The following RBFOX1 variants were observed in gnomAD, a reference collection of about 807,000 sequenced individuals.
RBFOX1 encodes RNA binding protein fox-1 homolog 1.
RBFOX1 carries 8 observed loss-of-function variants against 57.7 expected under a neutral mutation model. The observed-to-expected ratio is 0.14, with a 90% CI of 0.08 to 0.25. The LOEUF is 0.25. Ranked by LOEUF, RBFOX1 falls within the 10% of genes least tolerant of loss-of-function variation. The pLI, the probability that RBFOX1 is intolerant of heterozygous loss-of-function variation, is 1.00. For missense variants in RBFOX1, 611 were observed against 548.5 expected (o/e 1.11, Z -1.14); for synonymous variants, 326 against 222.4 (o/e 1.47, Z -4.15).
chr16:5,914,044 T>A (rs1423140068), intron 4 of RBFOX1, among the ~76,000 whole-genome samples: 2 of 152,188 alleles, frequency 1.3e-5, no homozygotes, highest in Non-Finnish European at 2.9e-5. Context: ...GTGTGTTTGA[T>A]TCAAGGACAG....
intron 1 of RBFOX1, among the ~76,000 whole-genome samples, chr16:5,331,071 G>A (rs143702947): frequency 8.1e-4 from 124 of 152,258 alleles, no homozygotes; most frequent in Admixed American, 1.2e-3. Context: ...TGGAGGTGAT[G>A]TGGCTCTAGG....
intron 3 of RBFOX1, among the ~76,000 whole-genome samples, chr16:5,750,946 G>A (rs553637766): frequency 3.4e-4 from 52 of 152,310 alleles, no homozygotes; most frequent in Middle Eastern, 6.8e-3. Context: ...TGTCTTCTGC[G>A]TTGCTCACGC....
chr16:7,129,938 C>G (rs932812806), intron 4 of RBFOX1, among the ~76,000 whole-genome samples: 1 of 151,990 alleles, frequency 6.6e-6, no homozygotes, highest in African/African-American at 2.4e-5. Flanking sequence ...TTTCCATTTC[C>G]TGCTTCAAAT....
chr16:5,648,209 A>C (rs2049112370), intron 3 of RBFOX1, among the ~76,000 whole-genome samples: 1 of 152,146 alleles, frequency 6.6e-6, no homozygotes, highest in South Asian at 2.1e-4. Context: ...TACATACGAT[A>C]TGCAGGAGGA....
intron 3 of RBFOX1, among the ~76,000 whole-genome samples, chr16:6,856,115 C>T (rs2057847582): frequency 6.6e-6 from 1 of 151,648 alleles, no homozygotes; most frequent in Admixed American, 6.6e-5. Flanking sequence ...CCCTTTCTTC[C>T]CTTTCCTTCC....
At chr16:5,757,050 G>A (rs576696130) in intron 3 of RBFOX1, among the ~76,000 whole-genome samples, 36 of 152,220 alleles carry the variant, frequency 2.4e-4, no homozygotes, top group African/African-American at 8.7e-4. Flanking sequence ...CAAAGGATGG[G>A]GGAGTTCTGT....
chr16:5,747,722 T>G (rs976585258), intron 3 of RBFOX1, among the ~76,000 whole-genome samples: 1 of 152,190 alleles, frequency 6.6e-6, no homozygotes, highest in Non-Finnish European at 1.5e-5. Context: ...CGTGGTGATA[T>G]CCGCTTTATC....
chr16:7,342,416 G>A (rs902815349), intron 4 of RBFOX1, among the ~76,000 whole-genome samples: 9 of 152,174 alleles, frequency 5.9e-5, no homozygotes, highest in Non-Finnish European at 7.3e-5. Flanking sequence ...CAACCTGTCT[G>A]CGGGGATGGT....
chr16:6,241,178 A>T (rs981935114), intron 1 of RBFOX1, among the ~76,000 whole-genome samples: 5 of 152,216 alleles, frequency 3.3e-5, no homozygotes, highest in Admixed American at 1.3e-4. Flanking sequence ...CCAGAGATAA[A>T]AATAAGCGAA....
chr16:5,366,274 A>T (rs1329028657), intron 1 of RBFOX1: 3 of 387,706 alleles, frequency 7.7e-6, no homozygotes, highest in Non-Finnish European at 1.5e-5. Context: ...GCTGCCGATG[A>T]AGATGATGCT....
chr16:7,461,107 T>C (rs992056080), intron 4 of RBFOX1, among the ~76,000 whole-genome samples: 2 of 152,182 alleles, frequency 1.3e-5, no homozygotes, highest in Admixed American at 6.5e-5. Flanking sequence ...TGACAACTTA[T>C]GGCAATAACA....
intron 3 of RBFOX1, among the ~76,000 whole-genome samples, chr16:6,726,474 A>G (rs1329861615): frequency 6.6e-6 from 1 of 151,726 alleles, no homozygotes; most frequent in Admixed American, 6.6e-5. Flanking sequence ...TCCCGTTCCC[A>G]AGTAGGTGAA....
intron 4 of RBFOX1, among the ~76,000 whole-genome samples, chr16:7,192,969 G>A (rs962301639): frequency 6.6e-6 from 1 of 152,166 alleles, no homozygotes; most frequent in East Asian, 1.9e-4. Flanking sequence ...TGTGTCGACA[G>A]ACATCTTTGG....
At chr16:6,574,419 C>G (rs1017808241) in intron 2 of RBFOX1, among the ~76,000 whole-genome samples, 1 of 126,390 alleles carries the variant, frequency 7.9e-6, no homozygotes, top group African/African-American at 2.9e-5. Context: ...CTGTCCGTAT[C>G]TTCTATTTTT....
rs58761346 is a variant in RBFOX1 at position 7,306,580 on chromosome 16, C to CGTGTGTGT, written c.28-211550_28-211543dup. 2.2e-3 allele frequency among the ~76,000 whole-genome samples: 321 copies of CGTGTGTGT among 149,038 alleles called. 1 individual carries two copies. The highest frequency in any genetic ancestry group is 2.4e-3 in the African/African-American group (96 of 40,658). On this transcript the variant is annotated intron_variant, in intron 4 of 15. Transcript: ENST00000550418. ...TATGACATAATGTGGGAATGGTGTG[C>CGTGTGTGT]GTGTGTGTGTGTGTGTGTGTGTGTA... is the stretch of plus-strand genomic sequence containing the variant.
intron 3 of RBFOX1, among the ~76,000 whole-genome samples, chr16:5,716,848 T>G (rs1340046142): frequency 1.3e-5 from 2 of 152,222 alleles, no homozygotes; most frequent in Non-Finnish European, 2.9e-5. Context: ...TGGCAGATTT[T>G]GGATGCAAAC....
intron 4 of RBFOX1, among the ~76,000 whole-genome samples, chr16:7,171,994 A>G (rs781324144): frequency 2.0e-5 from 3 of 152,204 alleles, no homozygotes; most frequent in Non-Finnish European, 4.4e-5. Context: ...TAGTAGGAAG[A>G]ATCCTACATT....
intron 3 of RBFOX1, among the ~76,000 whole-genome samples, chr16:5,699,952 C>T (rs1204791445): frequency 6.6e-6 from 1 of 152,172 alleles, no homozygotes; most frequent in Admixed American, 6.5e-5. Flanking sequence ...TCCTGCTCAG[C>T]CTCCTGAGTA....
chr16:7,362,575 G>C (rs1309736142), intron 4 of RBFOX1, among the ~76,000 whole-genome samples: 1 of 151,978 alleles, frequency 6.6e-6, no homozygotes, highest in Non-Finnish European at 1.5e-5. Flanking sequence ...TTGCATGTTA[G>C]TGTGTGTATT....
Sources: allele counts gnomAD v4.1 joint callset (sites outside exome capture counted in the v4.1 genomes callset), GRCh38; gene constraint gnomAD v4.1.1; transcripts MANE v1.5; gene names NCBI Gene and HGNC (gene_info 2026-07-23, HGNC 2026-07-21).